The following CDC14A variants were observed in gnomAD, a reference collection of about 807,000 sequenced individuals.
CDC14A encodes cell division cycle 14A.
A neutral mutation model predicts 74.4 loss-of-function variants in CDC14A; 53 were observed. The ratio of observed to expected loss-of-function variants is 0.71; its 90% CI spans 0.57 to 0.89. The LOEUF (loss-of-function observed/expected upper bound fraction) is 0.89. Ranked by LOEUF, CDC14A falls within the 40% of genes least tolerant of loss-of-function variation. The pLI, the probability that CDC14A is intolerant of heterozygous loss-of-function variation, is 0.00. For missense variants in CDC14A, 646 were observed against 713.7 expected (o/e 0.91, Z 1.08); for synonymous variants, 247 against 258.4 (o/e 0.96, Z 0.43).
chr1:100,353,068 A>G, intron 1 of CDC14A, 65 bp downstream of exon 1: 2 of 1,549,132 alleles, frequency 1.3e-6, no homozygotes, highest in South Asian at 2.3e-5. Context: ...TTCCCGCGCC[A>G]CTGTCCCCAC....
chr1:100,516,137 T>G (rs28364915), intron 15 of CDC14A, among the ~76,000 whole-genome samples: 2,398 of 152,318 alleles, frequency 0.016, 76 homozygotes, highest in African/African-American at 0.056. Flanking sequence ...GATAGAAGAC[T>G]AATGAATATA....
chr1:100,361,916 C>T (rs886283477), intron 2 of CDC14A, among the ~76,000 whole-genome samples: 2 of 151,970 alleles, frequency 1.3e-5, no homozygotes, highest in South Asian at 2.1e-4. Context: ...GAAAGAAAGG[C>T]CAGATGGGGA....
upstream of CDC14A, among the ~76,000 whole-genome samples, chr1:100,351,994 G>GTA (rs1483151945): frequency 1.1e-4 from 16 of 145,614 alleles, no homozygotes; most frequent in Admixed American, 8.0e-4. Context: ...GTGTGTGTGT[G>GTA]TGTGTGTGTG....
intron 6 of CDC14A, among the ~76,000 whole-genome samples, chr1:100,440,651 CA>C (rs1185235410): frequency 6.6e-6 from 1 of 152,102 alleles, no homozygotes; most frequent in Non-Finnish European, 1.5e-5. Context: ...GGTTTATTAT[CA>C]GTCAGGAATG....
At chr1:100,450,721 A>G (rs1253761212) in intron 7 of CDC14A, among the ~76,000 whole-genome samples, 2 of 152,202 alleles carry the variant, frequency 1.3e-5, no homozygotes, top group African/African-American at 4.8e-5. Flanking sequence ...GGTTAAGTCT[A>G]TAAAATGTTT....
At chr1:100,387,441 AG>A (rs981125035) in intron 3 of CDC14A, among the ~76,000 whole-genome samples, 3 of 152,212 alleles carry the variant, frequency 2.0e-5, no homozygotes, top group Non-Finnish European at 4.4e-5. Context: ...AACTTAACCG[AG>A]GAAACTGAAT....
At chr1:100,504,540 T>A (rs989823525) in intron 15 of CDC14A, among the ~76,000 whole-genome samples, 2 of 152,338 alleles carry the variant, frequency 1.3e-5, no homozygotes, top group South Asian at 2.1e-4. Flanking sequence ...TGGCTAATAT[T>A]AAATAAAACT....
chr1:100,353,807 T>C lies in CDC14A; in HGVS notation c.95T>C (p.Val32Ala). The change falls in exon 2 of 16, where the codon GTA becomes GCA. Residue 32 changes from valine (V) to alanine (A), a missense_variant. Transcript: ENST00000336454. The stretch of plus-strand genomic sequence containing the variant: ...TTAAGGAATAGACCAAAAAGCACAG[T>C]AAATACCCACTATTTCTCCATCGAT... The part of the protein sequence containing the change: ...ATLRNRPKST[V>A]NTHYFSIDEE... 1 of 1,609,780 alleles carries C rather than the reference T, an allele frequency of 6.2e-7. No homozygotes were observed. Among genetic ancestry groups the C allele is most frequent in the Non-Finnish European group, 8.5e-7 (1 of 1,177,108 alleles).
chr1:100,363,230 T>C (rs1015539222), intron 2 of CDC14A: 2 of 152,248 alleles, frequency 1.3e-5, no homozygotes, highest in Admixed American at 6.5e-5. Context: ...TCCCAGGTAG[T>C]AGTATTCCTA....
intron 2 of CDC14A, among the ~76,000 whole-genome samples, chr1:100,365,770 G>C (rs963396450): frequency 6.6e-6 from 1 of 152,136 alleles, no homozygotes; most frequent in African/African-American, 2.4e-5. Context: ...TATTTGTTAT[G>C]CAGTTAGGAC....
At chr1:100,442,888 G>A (rs1375863269) in intron 6 of CDC14A, 46 bp from the exon 7 acceptor site, 4 of 1,248,642 alleles carry the variant, frequency 3.2e-6, no homozygotes, top group Non-Finnish European at 4.7e-6. Context: ...GATGAGTAGA[G>A]TTTATCAATT....
At chr1:100,491,909 T>C (rs1164847678) in intron 11 of CDC14A, among the ~76,000 whole-genome samples, 1 of 141,054 alleles carries the variant, frequency 7.1e-6, no homozygotes, top group Non-Finnish European at 1.5e-5. Context: ...TCTGCCCTCG[T>C]GGTCGTCACC....
chr1:100,413,997 C>G (rs1217356308), intron 4 of CDC14A, among the ~76,000 whole-genome samples: 1 of 152,156 alleles, frequency 6.6e-6, no homozygotes, highest in Non-Finnish European at 1.5e-5. Context: ...ACTTAAGAAA[C>G]TAACACACTT....
chr1:100,485,299 T>C (rs1669918457), intron 11 of CDC14A: 1 of 985,294 alleles, frequency 1.0e-6, no homozygotes. Context: ...AATTCCTAGT[T>C]TAGGTCTTTC....
chr1:100,370,228 C>T (rs909864191), intron 2 of CDC14A, among the ~76,000 whole-genome samples: 4 of 152,122 alleles, frequency 2.6e-5, no homozygotes, highest in Admixed American at 2.6e-4. Flanking sequence ...AAGCGATCGG[C>T]CTGCCTTAGC....
At chr1:100,380,190 T>A (rs1267564222) in intron 3 of CDC14A, among the ~76,000 whole-genome samples, 1 of 152,242 alleles carries the variant, frequency 6.6e-6, no homozygotes, top group Non-Finnish European at 1.5e-5. Context: ...CTATTGTTTA[T>A]ATATGGGAAA....
chr1:100,346,543 A>C (rs1213858210), intron 1 of CDC14A, among the ~76,000 whole-genome samples: 1 of 151,780 alleles, frequency 6.6e-6, no homozygotes, highest in African/African-American at 2.4e-5. Context: ...GAGATGGGGG[A>C]ATCATTCAAG....
At chr1:100,488,972 G>C (rs190968462) in intron 11 of CDC14A, among the ~76,000 whole-genome samples, 7 of 152,300 alleles carry the variant, frequency 4.6e-5, no homozygotes, top group African/African-American at 1.7e-4. Context: ...TCTGGCTATG[G>C]TGTCATATAG....
intron 15 of CDC14A, among the ~76,000 whole-genome samples, chr1:100,517,310 A>C (rs1028277792): frequency 1.3e-5 from 2 of 152,228 alleles, no homozygotes; most frequent in Non-Finnish European, 2.9e-5. Flanking sequence ...TAGACCTGTT[A>C]ATGAAATGTT....
Sources: allele counts gnomAD v4.1 joint callset (sites outside exome capture counted in the v4.1 genomes callset), GRCh38; gene constraint gnomAD v4.1.1; transcripts MANE v1.5; gene names NCBI Gene and HGNC (gene_info 2026-07-23, HGNC 2026-07-21).